Variants in RGS12 observed in about 807,000 individuals in gnomAD.
RGS12 encodes regulator of G protein signaling 12, also known as regulator of G-protein signaling 12.
RGS12 carries 66 observed loss-of-function variants against 120.1 expected under a neutral mutation model. The observed-to-expected ratio is 0.55, with a 90% CI of 0.45 to 0.67. The LOEUF (loss-of-function observed/expected upper bound fraction) is 0.67. Among genes scored for constraint, RGS12 ranks in the 30% least tolerant of loss-of-function variants. The pLI, the probability that RGS12 is intolerant of heterozygous loss-of-function variation, is 0.00. For synonymous variants in RGS12, 827 were observed against 804.7 expected, an observed-to-expected ratio of 1.03 and a Z score of -0.47; for missense variants, 1,859 against 1,957.7, an observed-to-expected ratio of 0.95 and a Z score of 0.95.
chr4:3,349,012 CTT>C (rs1348636191), intron 3 of RGS12, among the ~76,000 whole-genome samples: 3 of 152,174 alleles, frequency 2.0e-5, no homozygotes, highest in Non-Finnish European at 4.4e-5. Flanking sequence ...AGTTCAGAAG[CTT>C]GTTTTATAAA....
intron 4 of RGS12, among the ~76,000 whole-genome samples, chr4:3,393,693 G>C (rs1719741309): frequency 6.6e-6 from 1 of 152,154 alleles, no homozygotes; most frequent in Non-Finnish European, 1.5e-5. Context: ...CTGATGCTCT[G>C]CGTATTTTGT....
chr4:3,331,007 G>A (rs995555382), intron 2 of RGS12, among the ~76,000 whole-genome samples: 4 of 152,184 alleles, frequency 2.6e-5, no homozygotes, highest in African/African-American at 7.2e-5. Context: ...CTGGACAGCC[G>A]TGTGTCTAGC....
chr4:3,367,470 G>C (rs1479858047), intron 3 of RGS12, among the ~76,000 whole-genome samples: 2 of 152,270 alleles, frequency 1.3e-5, no homozygotes, highest in Non-Finnish European at 2.9e-5. Flanking sequence ...CCCGGGCCCG[G>C]GGTCTGAACC....
intron 2 of RGS12, among the ~76,000 whole-genome samples, chr4:3,334,646 C>T (rs1180509106): frequency 6.6e-6 from 1 of 152,050 alleles, no homozygotes; most frequent in Non-Finnish European, 1.5e-5. Flanking sequence ...ATCCTCCCTC[C>T]AGAGGATTTC....
At chr4:3,438,993 C>T (rs1725066102) in intron 17 of RGS12, among the ~76,000 whole-genome samples, 1 of 152,052 alleles carries the variant, frequency 6.6e-6, no homozygotes, top group South Asian at 2.1e-4. Flanking sequence ...GGGCTCAGGG[C>T]CCGTTCCACC....
chr4:3,351,370 A>T (rs1578794639), intron 3 of RGS12, among the ~76,000 whole-genome samples: 1 of 152,122 alleles, frequency 6.6e-6, no homozygotes, highest in African/African-American at 2.4e-5. Flanking sequence ...GTTTGATCTG[A>T]CAGCCCTTAG....
At chr4:3,410,484 G>C (rs560456092) in intron 4 of RGS12, among the ~76,000 whole-genome samples, 4 of 152,236 alleles carry the variant, frequency 2.6e-5, no homozygotes, top group South Asian at 2.1e-4. Context: ...GTGCCTTTGG[G>C]GGGGCTGTCC....
chr4:3,420,311 C>G (rs1010456415), intron 9 of RGS12: 6 of 401,958 alleles, frequency 1.5e-5, no homozygotes, highest in African/African-American at 4.1e-5. Flanking sequence ...TGGGTCTGTG[C>G]TGTGTAACTG....
intron 2 of RGS12, among the ~76,000 whole-genome samples, chr4:3,335,181 G>A (rs564482084): frequency 3.9e-5 from 6 of 151,982 alleles, no homozygotes; most frequent in African/African-American, 1.4e-4. Context: ...TTTCTTTCTT[G>A]AATAGGACAC....
At position 3,414,772 on chromosome 4, in the gene RGS12, C is replaced by T. The variant is rs575363563; in HGVS notation, c.2211C>T (p.Phe737=). The part of the protein sequence containing the change: ...RYFSDFLRKE[F]SEENILFWQA... Reference sequence around the variant, plus strand: ...CTTAGGATTTTCTAAGGAAAGAATTCAGTGAAGAAAACATTTTATTCTGGC... The same window carrying T: ...CTTAGGATTTTCTAAGGAAAGAATTTAGTGAAGAAAACATTTTATTCTGGC... The change falls in exon 6 of 18, where the codon TTC becomes TTT. Residue 737 remains phenylalanine, a synonymous_variant. Transcript: ENST00000336727. 2 of 1,611,378 alleles carry T rather than the reference C, an allele frequency of 1.2e-6. No homozygotes were observed. Among genetic ancestry groups the T allele is most frequent in the East Asian group, 2.2e-5 (1 of 44,864 alleles).
chr4:3,420,470 G>A, intron 9 of RGS12, 172 bp from the exon 10 acceptor site: 1 of 666,134 alleles, frequency 1.5e-6, no homozygotes, highest in South Asian at 1.6e-5. Flanking sequence ...GGGTTAGGAA[G>A]ACACATGTGA....
chr4:3,318,132 G>C, intron 2 of RGS12, 81 bp downstream of exon 2: 2 of 1,185,634 alleles, frequency 1.7e-6, no homozygotes, highest in Non-Finnish European at 2.4e-6. Context: ...CCAGTCACCA[G>C]CTTGCACAGT....
At chr4:3,332,875 A>T (rs1454376924) in intron 2 of RGS12, among the ~76,000 whole-genome samples, 1 of 152,142 alleles carries the variant, frequency 6.6e-6, no homozygotes, top group East Asian at 1.9e-4. Flanking sequence ...CCCAGGCTGG[A>T]GTGCAGTGGT....
intron 4 of RGS12, among the ~76,000 whole-genome samples, chr4:3,394,329 A>G (rs1412112438): frequency 1.3e-5 from 2 of 152,008 alleles, no homozygotes; most frequent in Admixed American, 1.3e-4. Context: ...CGCCTGGCTA[A>G]TTTTTGTATT....
At chr4:3,427,084 A>G (rs917055886) in intron 14 of RGS12, among the ~76,000 whole-genome samples, 1 of 151,646 alleles carries the variant, frequency 6.6e-6, no homozygotes, top group Non-Finnish European at 1.5e-5. Flanking sequence ...CCCCTCCCCA[A>G]CTCCTCACAG....
At chr4:3,297,012 C>G (rs1227422286) in intron 1 of RGS12, among the ~76,000 whole-genome samples, 2 of 152,254 alleles carry the variant, frequency 1.3e-5, no homozygotes, top group African/African-American at 2.4e-5. Context: ...CATGAAGGAG[C>G]CTCTTGCCTC....
chr4:3,400,749 TTAA>T (rs1314110438), intron 4 of RGS12, among the ~76,000 whole-genome samples: 1 of 148,434 alleles, frequency 6.7e-6, no homozygotes, highest in East Asian at 1.9e-4. Flanking sequence ...CTCATTAGTA[TTAA>T]TAATTAGTAA....
rs746415816 is a variant in RGS12 at position 3,430,765 on chromosome 4, C to G, written c.3924C>G (p.Leu1308=). Reference sequence around the variant, plus strand: ...GCACTCCCCAGTCCCCCGTCTCCCTCGCGCAGGAGGGCACCGCCCAGATCT... The same window carrying G: ...GCACTCCCCAGTCCCCCGTCTCCCTGGCGCAGGAGGGCACCGCCCAGATCT... ...PFCTPQSPVS[L]AQEGTAQIWK... The change falls in exon 17 of 18, where the codon CTC becomes CTG. Residue 1308 remains leucine, a synonymous_variant. Transcript: ENST00000336727. 1 of 1,609,878 alleles carries G rather than the reference C, an allele frequency of 6.2e-7. No individual in the cohort carries two copies. The highest frequency in any genetic ancestry group is 1.3e-5 in the African/African-American group (1 of 74,866).
intron 1 of RGS12, among the ~76,000 whole-genome samples, chr4:3,310,402 G>T (rs2110384089): frequency 6.6e-6 from 1 of 152,334 alleles, no homozygotes; most frequent in East Asian, 1.9e-4. Context: ...CCCCAAGAAG[G>T]GAAGTGTGGA....
Sources: gnomAD v4.1 joint callset for allele counts (sites outside exome capture counted in the v4.1 genomes callset) on GRCh38, gnomAD v4.1.1 for gene constraint, MANE v1.5 for transcripts, NCBI Gene and HGNC (gene_info 2026-07-23, HGNC 2026-07-21) for gene names.